SNAP91: variants seen among roughly 807,000 people sequenced by gnomAD.
SNAP91 encodes the protein clathrin coat assembly protein AP180.
In SNAP91, 27 loss-of-function variants were observed where a neutral mutation model predicts 100.3. That is an observed-to-expected ratio of 0.27 (90% CI 0.20 to 0.37). The LOEUF (loss-of-function observed/expected upper bound fraction) is 0.37. Among genes scored for constraint, SNAP91 ranks in the 10% least tolerant of loss-of-function variants. The probability of loss-of-function intolerance (pLI) is 1.00; values close to 1 mark genes in which losing one functional copy is unlikely to be tolerated. For synonymous variants in SNAP91, 404 were observed against 398.6 expected (o/e 1.01, Z -0.16); for missense variants, 986 against 1,123.7 (o/e 0.88, Z 1.75).
intron 8 of SNAP91, among the ~76,000 whole-genome samples, chr6:83,630,211 G>A (rs1423481146): frequency 6.6e-6 from 1 of 151,980 alleles, no homozygotes; most frequent in African/African-American, 2.4e-5. Context: ...CCTTGATCAT[G>A]GTGGATTATC....
At chr6:83,561,320 C>T (rs1448709710) in intron 26 of SNAP91, among the ~76,000 whole-genome samples, 1 of 152,194 alleles carries the variant, frequency 6.6e-6, no homozygotes, top group African/African-American at 2.4e-5. Context: ...GCTGGGATTA[C>T]AGGCATGAGC....
chr6:83,570,234 A>C (rs1386560768), intron 26 of SNAP91, among the ~76,000 whole-genome samples: 1 of 152,136 alleles, frequency 6.6e-6, no homozygotes, highest in East Asian at 1.9e-4. Context: ...GGAACTTTGA[A>C]CTTGAGAATG....
intron 12 of SNAP91, among the ~76,000 whole-genome samples, chr6:83,610,346 C>T (rs1024738881): frequency 6.6e-6 from 1 of 151,674 alleles, no homozygotes; most frequent in Admixed American, 6.6e-5. Flanking sequence ...GTGAAATAAA[C>T]CAGTCACTAA....
At chr6:83,667,190 C>T (rs1357773179) in intron 2 of SNAP91, among the ~76,000 whole-genome samples, 6 of 151,948 alleles carry the variant, frequency 3.9e-5, no homozygotes, top group Non-Finnish European at 7.4e-5. Context: ...TGCATTTAAA[C>T]GTAACAGAAG....
intron 9 of SNAP91, among the ~76,000 whole-genome samples, chr6:83,617,623 AAAGT>A (rs1304394739): frequency 6.6e-6 from 1 of 151,422 alleles, no homozygotes; most frequent in Non-Finnish European, 1.5e-5. Flanking sequence ...TATGTATAAT[AAAGT>A]AACTTTTAGC....
At chr6:83,614,679 A>C (rs2128337703) in intron 11 of SNAP91, among the ~76,000 whole-genome samples, 178 bp downstream of exon 11, 1 of 152,286 alleles carries the variant, frequency 6.6e-6, no homozygotes, top group African/African-American at 2.4e-5. Context: ...AGAAAGTAAA[A>C]CCATTTATGC....
At chr6:83,680,132 C>G (rs1418211249) in intron 2 of SNAP91, among the ~76,000 whole-genome samples, 1 of 152,004 alleles carries the variant, frequency 6.6e-6, no homozygotes. Context: ...AAGGCTAGAC[C>G]TCTCTCAATC....
chr6:83,588,656 T>C lies in SNAP91; in HGVS notation c.2014+2555A>G, dbSNP rs184150691. ...TCTAGATGTGTTTTTAGATTCTTATTGCATCCCCCAGGGTCAAATCTCTTG... is the reference window on the plus strand; with the variant it reads ...TCTAGATGTGTTTTTAGATTCTTATCGCATCCCCCAGGGTCAAATCTCTTG... On this transcript the variant is annotated intron_variant, in intron 22 of 29. Coordinates refer to ENST00000369694, the MANE Select transcript of SNAP91 (RefSeq NM_001242792.2). Among the ~76,000 whole-genome samples the C allele has an allele frequency of 1.2e-3, 178 of 152,314 alleles. 2 individuals are homozygous for C. Among genetic ancestry groups the C allele is most frequent in the Middle Eastern group, 6.8e-3 (2 of 292 alleles).
At chr6:83,574,967 TG>T in intron 26 of SNAP91, 42 bp downstream of exon 26, 1 of 1,334,002 alleles carries the variant, frequency 7.5e-7, no homozygotes, top group Non-Finnish European at 1.1e-6. Flanking sequence ...ACTTGGAAAC[TG>T]GCAAACTGCC....
intron 2 of SNAP91, among the ~76,000 whole-genome samples, chr6:83,687,576 T>C (rs2099076710): frequency 6.6e-6 from 1 of 152,190 alleles, no homozygotes. Flanking sequence ...GGAAGGCCAT[T>C]ATAAACCCTT....
chr6:83,641,760 T>C (rs1480713811), intron 7 of SNAP91, among the ~76,000 whole-genome samples: 1 of 152,320 alleles, frequency 6.6e-6, no homozygotes, highest in South Asian at 2.1e-4. Flanking sequence ...AGTAGACTTT[T>C]GTGAAAAAAT....
At position 83,655,013 on chromosome 6, in the gene SNAP91, C is replaced by T. The variant is rs972155738; in HGVS notation, c.658+1741G>A. Among the ~76,000 whole-genome samples the T allele has an allele frequency of 3.3e-5, 5 of 152,280 alleles. No homozygotes were observed. The South Asian group carries it at 1.0e-3, about 32-fold the overall frequency. On this transcript the variant is annotated intron_variant, in intron 7 of 29. Transcript: ENST00000369694. ...GATATCAACCTCTTTGGCTGTCATACTCCCATAGGATATCATTTTGATGAC... is the reference window on the plus strand; with the variant it reads ...GATATCAACCTCTTTGGCTGTCATATTCCCATAGGATATCATTTTGATGAC...
At chr6:83,613,986 T>C (rs1388935604) in intron 11 of SNAP91, among the ~76,000 whole-genome samples, 2 of 152,300 alleles carry the variant, frequency 1.3e-5, no homozygotes, top group East Asian at 3.9e-4. Flanking sequence ...TTCTGTAAAA[T>C]TACTACAAAC....
chr6:83,684,314 A>G (rs191473140), intron 2 of SNAP91, among the ~76,000 whole-genome samples: 12 of 152,228 alleles, frequency 7.9e-5, no homozygotes, highest in African/African-American at 2.9e-4. Context: ...GCTGACACAG[A>G]CCTCCTGCCA....
At chr6:83,613,878 T>C (rs2096307758) in intron 11 of SNAP91, among the ~76,000 whole-genome samples, 1 of 152,178 alleles carries the variant, frequency 6.6e-6, no homozygotes, top group Non-Finnish European at 1.5e-5. Flanking sequence ...TAATTTCACC[T>C]AGAAAAATCT....
chr6:83,565,580 G>A (rs1156806797), intron 26 of SNAP91, among the ~76,000 whole-genome samples: 1 of 152,078 alleles, frequency 6.6e-6, no homozygotes, highest in Non-Finnish European at 1.5e-5. Context: ...TCTTTGATCA[G>A]TCCAATGTTC....
rs74540866 is a variant in SNAP91, at chr6:83,585,106, A to G, written c.2015-2750T>C. Among the ~76,000 whole-genome samples, 1,292 of 152,338 alleles carry G rather than the reference A, an allele frequency of 8.5e-3. 15 individuals are homozygous for G. The highest frequency in any genetic ancestry group is 0.029 in the African/African-American group (1,210 of 41,584). ...GGAACATTACAGTCATTCATGAGGC[A>G]TTTGAGGAATTCCTCCTGGTAACTA... On this transcript the variant is annotated intron_variant, in intron 22 of 29. Coordinates refer to ENST00000369694, the MANE Select transcript of SNAP91 (RefSeq NM_001242792.2).
intron 7 of SNAP91, among the ~76,000 whole-genome samples, chr6:83,648,299 T>C (rs1318547545): frequency 6.6e-6 from 1 of 152,212 alleles, no homozygotes; most frequent in African/African-American, 2.4e-5. Context: ...TAATTCCTTT[T>C]TATTGTTGAA....
intron 8 of SNAP91, among the ~76,000 whole-genome samples, chr6:83,632,679 G>C (rs1449861578): frequency 6.6e-6 from 1 of 152,162 alleles, no homozygotes; most frequent in Non-Finnish European, 1.5e-5. Flanking sequence ...TTCTATTGCT[G>C]AGACTTTCCA....
Sources: allele counts gnomAD v4.1 joint callset (sites outside exome capture counted in the v4.1 genomes callset), GRCh38; gene constraint gnomAD v4.1.1; transcripts MANE v1.5; gene names NCBI Gene and HGNC (gene_info 2026-07-23, HGNC 2026-07-21).